The following KCND2 variants were observed in gnomAD, a reference collection of about 807,000 sequenced individuals.
KCND2 encodes A-type voltage-gated potassium channel KCND2.
A neutral mutation model predicts 54.4 loss-of-function variants in KCND2; 16 were observed. The ratio of observed to expected loss-of-function variants is 0.29; its 90% CI spans 0.20 to 0.45. KCND2 has a LOEUF of 0.45. Ranked by LOEUF, KCND2 falls within the 20% of genes least tolerant of loss-of-function variation. KCND2 has a pLI of 1.00. For missense variants in KCND2, 486 were observed against 824.2 expected (o/e 0.59, Z 5.02); for synonymous variants, 317 against 310.7 (o/e 1.02, Z -0.21).
intron 1 of KCND2, among the ~76,000 whole-genome samples, chr7:120,617,863 G>A (rs1181236647): frequency 6.6e-6 from 1 of 152,164 alleles, no homozygotes; most frequent in Non-Finnish European, 1.5e-5. Context: ...GCCCTTTGCA[G>A]CAACGTGGAT....
At chr7:120,582,679 C>G (rs1792532366) in intron 1 of KCND2, among the ~76,000 whole-genome samples, 1 of 152,018 alleles carries the variant, frequency 6.6e-6, no homozygotes, top group African/African-American at 2.4e-5. Context: ...AATCTTTAAA[C>G]AATTATAAAA....
At chr7:120,646,963 G>A (rs1275610249) in intron 1 of KCND2, among the ~76,000 whole-genome samples, 2 of 152,106 alleles carry the variant, frequency 1.3e-5, no homozygotes, top group African/African-American at 2.4e-5. Context: ...TCCATTTTTC[G>A]GATATGCAGA....
chr7:120,450,392 A>G (rs1003484743), intron 1 of KCND2, among the ~76,000 whole-genome samples: 1 of 152,136 alleles, frequency 6.6e-6, no homozygotes, highest in Non-Finnish European at 1.5e-5. Context: ...CTGGTGACAG[A>G]GTGAGACTCC....
intron 1 of KCND2, among the ~76,000 whole-genome samples, chr7:120,557,149 C>T (rs1343649781): frequency 6.6e-6 from 1 of 152,082 alleles, no homozygotes; most frequent in East Asian, 1.9e-4. Context: ...AGATAGATTT[C>T]TTAATTGATA....
At chr7:120,528,465 A>T (rs1050460054) in intron 1 of KCND2, among the ~76,000 whole-genome samples, 2 of 152,180 alleles carry the variant, frequency 1.3e-5, no homozygotes, top group Non-Finnish European at 2.9e-5. Flanking sequence ...TACACTTTGC[A>T]TAACATATTA....
chr7:120,680,411 G>A (rs2082749483), intron 1 of KCND2, among the ~76,000 whole-genome samples: 2 of 152,026 alleles, frequency 1.3e-5, no homozygotes, highest in Admixed American at 1.3e-4. Flanking sequence ...ACCCCATGAG[G>A]GCAACAACTG....
chr7:120,312,563 T>C (rs1356585324), intron 1 of KCND2, among the ~76,000 whole-genome samples: 1 of 152,182 alleles, frequency 6.6e-6, no homozygotes, highest in Non-Finnish European at 1.5e-5. Flanking sequence ...ATTCAGATTT[T>C]GATCTTTCTA....
chr7:120,410,148 CT>C (rs1014377671), intron 1 of KCND2, among the ~76,000 whole-genome samples: 1 of 151,838 alleles, frequency 6.6e-6, no homozygotes, highest in Non-Finnish European at 1.5e-5. Context: ...AAAAGATCAT[CT>C]TTTTTTATTA....
In KCND2 at chr7:120,275,303, G is replaced by A. The variant is rs1410148488; in HGVS notation, c.671G>A (p.Arg224Gln). Reference sequence around the variant, plus strand: ...ATTAAAGAACTGCCCTGTGGAGAGCGGTATGCTGTGGCCTTCTTCTGCTTG... The same window carrying A: ...ATTAAAGAACTGCCCTGTGGAGAGCAGTATGCTGTGGCCTTCTTCTGCTTG... ...GHIKELPCGE[R>Q]YAVAFFCLDT... Residue 224 changes from arginine to glutamine, a missense_variant, in exon 1 of 6, where the codon CGG (arginine) becomes CAG (glutamine). By Grantham distance (43) the Arg-to-Gln change is conservative (BLOSUM62 1). This residue lies in a region of KCND2 where 231 missense variants were observed against 386.0 expected (regional missense o/e 0.60). Transcript: ENST00000331113. The A allele has an allele frequency of 1.2e-6, 2 of 1,613,760 alleles. No homozygotes were observed. Among genetic ancestry groups the A allele is most frequent in the Admixed American group, 1.7e-5 (1 of 59,990 alleles).
intron 1 of KCND2, among the ~76,000 whole-genome samples, chr7:120,419,637 AT>A (rs146772288): frequency 0.011 from 1,658 of 152,256 alleles, 34 homozygotes; most frequent in African/African-American, 0.038. Flanking sequence ...ATGTGTATAT[AT>A]TTTACATGTA....
At chr7:120,495,132 A>G (rs1485878716) in intron 1 of KCND2, among the ~76,000 whole-genome samples, 2 of 152,106 alleles carry the variant, frequency 1.3e-5, no homozygotes, top group Non-Finnish European at 2.9e-5. Flanking sequence ...GGTTTTTTTA[A>G]TATTTTTTTT....
intron 1 of KCND2, among the ~76,000 whole-genome samples, chr7:120,411,008 A>G (rs929727798): frequency 6.6e-6 from 1 of 151,944 alleles, no homozygotes; most frequent in Admixed American, 6.6e-5. Context: ...CCCTGTTTAC[A>G]GAAGACATGA....
intron 1 of KCND2, among the ~76,000 whole-genome samples, chr7:120,534,835 C>T (rs553392619): frequency 6.6e-6 from 1 of 152,030 alleles, no homozygotes; most frequent in Non-Finnish European, 1.5e-5. Flanking sequence ...AAATACTGTT[C>T]AATGTTTATA....
At chr7:120,560,422 A>G (rs1354552456) in intron 1 of KCND2, among the ~76,000 whole-genome samples, 2 of 152,206 alleles carry the variant, frequency 1.3e-5, no homozygotes, top group African/African-American at 4.8e-5. Context: ...CGGAAAAGCG[A>G]CAGTAAAATG....
intron 1 of KCND2, among the ~76,000 whole-genome samples, chr7:120,718,828 G>A (rs919329062): frequency 6.6e-6 from 1 of 152,118 alleles, no homozygotes; most frequent in Non-Finnish European, 1.5e-5. Context: ...TTGTTTTCAG[G>A]AGGAGTTAGA....
At chr7:120,504,736 T>C (rs1017349649) in intron 1 of KCND2, among the ~76,000 whole-genome samples, 14 of 151,940 alleles carry the variant, frequency 9.2e-5, no homozygotes, top group Middle Eastern at 3.4e-3. Context: ...CTCTGCAAAG[T>C]ATTAATAAGG....
At chr7:120,376,748 C>G (rs1477627694) in intron 1 of KCND2, among the ~76,000 whole-genome samples, 1 of 151,706 alleles carries the variant, frequency 6.6e-6, no homozygotes, top group Non-Finnish European at 1.5e-5. Flanking sequence ...TAAGCTCAAT[C>G]CATTTTATCT....
chr7:120,608,980 A>G (rs908975701), intron 1 of KCND2, among the ~76,000 whole-genome samples: 1 of 152,138 alleles, frequency 6.6e-6, no homozygotes, highest in African/African-American at 2.4e-5. Flanking sequence ...TGGCTCAGCT[A>G]TCTGTAAAAC....
intron 1 of KCND2, among the ~76,000 whole-genome samples, chr7:120,573,005 T>C (rs1009781934): frequency 4.4e-4 from 67 of 152,344 alleles, no homozygotes; most frequent in African/African-American, 1.6e-3. Flanking sequence ...TAAAACACTC[T>C]TTGATTTTGA....
Sources: allele counts gnomAD v4.1 joint callset (sites outside exome capture counted in the v4.1 genomes callset), GRCh38; gene constraint gnomAD v4.1.1; regional missense constraint gnomAD v4.1.1; transcripts MANE v1.5; gene names NCBI Gene and HGNC (gene_info 2026-07-23, HGNC 2026-07-21).